Variants in LRRC8C observed in about 807,000 individuals in gnomAD.
The protein encoded by LRRC8C is volume-regulated anion channel subunit LRRC8C.
In LRRC8C, 20 loss-of-function variants were observed where a neutral mutation model predicts 55.3. That is an observed-to-expected ratio of 0.36 (90% CI 0.25 to 0.53). The LOEUF (loss-of-function observed/expected upper bound fraction) is 0.53, where lower values mean the gene tolerates loss of function less well. LRRC8C is among the 20% of genes least tolerant of loss of function. The pLI, the probability that LRRC8C is intolerant of heterozygous loss-of-function variation, is 0.92. For missense variants in LRRC8C, 659 were observed against 951.4 expected (o/e 0.69, Z 4.04); for synonymous variants, 376 against 360.7 (o/e 1.04, Z -0.48).
intron 1 of LRRC8C, among the ~76,000 whole-genome samples, chr1:89,680,078 T>TTC (rs200866080): frequency 1.5e-5 from 1 of 68,358 alleles, no homozygotes; most frequent in Non-Finnish European, 3.6e-5. Context: ...ACCAATATTC[T>TTC]TTTTTTTTTT....
At chr1:89,679,415 G>A (rs756528200) in intron 1 of LRRC8C, among the ~76,000 whole-genome samples, 11 of 152,146 alleles carry the variant, frequency 7.2e-5, no homozygotes, top group South Asian at 2.1e-4. Context: ...TTAGCCGGGC[G>A]TGGTGGTACA....
rs777048799 is a variant in LRRC8C at position 89,666,412 on chromosome 1, A to AAT, written c.-4-20046_-4-20045dup. Among the ~76,000 whole-genome samples the AAT allele has an allele frequency of 7.9e-5, 12 of 152,058 alleles. No individual in the cohort carries two copies. In the East Asian group the frequency reaches 9.6e-4, roughly 12 times the overall value. On this transcript the variant is annotated intron_variant, in intron 1 of 2. Transcript: ENST00000370454. ...ACATGTACACTAGAACTTTAACAAAAATATATATATATAAAGAAGCCCATG... is the reference window on the plus strand; with the variant it reads ...ACATGTACACTAGAACTTTAACAAAAATATATATATATATAAAGAAGCCCATG...
At chr1:89,621,887 T>C in the LRRC8C span, among the ~76,000 whole-genome samples, 5 of 152,238 alleles carry the variant, frequency 3.3e-5, no homozygotes, top group African/African-American at 1.2e-4. Flanking sequence ...ATAACTAGAA[T>C]GTCTCCCTAC....
rs185991624 is a variant in LRRC8C, at chr1:89,663,923, C to T, written c.-4-22547C>T. Among the ~76,000 whole-genome samples the T allele has an allele frequency of 3.2e-3, 480 of 152,208 alleles. 4 individuals carry two copies. Among genetic ancestry groups the T allele is most frequent in the African/African-American group, 0.011 (450 of 41,526 alleles). ...TGTTTGTTGGCTGCATAAATGTCTT[C>T]GTTTAAGAAGTGTCTGTTCATATCC... On this transcript the variant is annotated intron_variant, in intron 1 of 2. Coordinates refer to ENST00000370454, the MANE Select transcript of LRRC8C (RefSeq NM_032270.5).
At chr1:89,700,928 C>T (rs1658300083) in intron 2 of LRRC8C, among the ~76,000 whole-genome samples, 1 of 152,162 alleles carries the variant, frequency 6.6e-6, no homozygotes, top group Admixed American at 6.5e-5. Context: ...AATGGTACCA[C>T]CTATTTTATC....
chr1:89,632,162 CCAAA>C (rs1193610008), upstream of LRRC8C: 1 of 152,198 alleles, frequency 6.6e-6, no homozygotes, highest in African/African-American at 2.4e-5. Flanking sequence ...CAGAGATTTT[CCAAA>C]CAGAGAGCTG....
At chr1:89,694,832 C>G (rs1332631549) in intron 2 of LRRC8C, among the ~76,000 whole-genome samples, 1 of 151,730 alleles carries the variant, frequency 6.6e-6, no homozygotes. Flanking sequence ...AAGTGATCCA[C>G]CCGCCTCAGC....
At chr1:89,617,031 A>C in the LRRC8C span, among the ~76,000 whole-genome samples, 3 of 152,174 alleles carry the variant, frequency 2.0e-5, no homozygotes, top group South Asian at 2.1e-4. Context: ...TTTTACTGCC[A>C]AAATTGGAAA....
intron 1 of LRRC8C, among the ~76,000 whole-genome samples, chr1:89,663,939 G>A (rs1382949815): frequency 1.3e-5 from 2 of 152,140 alleles, no homozygotes; most frequent in African/African-American, 2.4e-5. Flanking sequence ...AGAAGTGTCT[G>A]TTCATATCCT....
At chr1:89,706,975 G>A (rs1658497771) in intron 2 of LRRC8C, among the ~76,000 whole-genome samples, 1 of 152,168 alleles carries the variant, frequency 6.6e-6, no homozygotes, top group South Asian at 2.1e-4. Flanking sequence ...GCAACCCTTG[G>A]GTTTCTTTTC....
At chr1:89,616,597 C>G in the LRRC8C span, among the ~76,000 whole-genome samples, 10 of 152,304 alleles carry the variant, frequency 6.6e-5, no homozygotes, top group East Asian at 1.9e-3. Context: ...TGACTCTAGT[C>G]TAACTTGAGT....
chr1:89,634,075 C>T (rs1656213819), intron 1 of LRRC8C, among the ~76,000 whole-genome samples: 1 of 152,144 alleles, frequency 6.6e-6, no homozygotes, highest in Non-Finnish European at 1.5e-5. Flanking sequence ...CCGGTTCTTC[C>T]CTCCCCAACC....
At position 89,700,435 on chromosome 1, in the gene LRRC8C, C is replaced by T. The variant is rs568533976; in HGVS notation, c.139-12274C>T. 1.2e-4 allele frequency among the ~76,000 whole-genome samples: 19 copies of T among 152,304 alleles called. No homozygotes were observed. In the South Asian group the frequency reaches 3.5e-3, roughly 28 times the overall value. On this transcript the variant is annotated intron_variant, in intron 2 of 2. Coordinates refer to ENST00000370454, the MANE Select transcript of LRRC8C (RefSeq NM_032270.5). ...CTATGCCTCTTTGGTTTTCCTATGA[C>T]GCTTAGCATGTATTACGTTGGCACA...
intron 2 of LRRC8C, among the ~76,000 whole-genome samples, chr1:89,712,034 A>T (rs1391144553): frequency 1.3e-5 from 2 of 152,240 alleles, no homozygotes; most frequent in African/African-American, 4.8e-5. Context: ...CTTTGAGGAC[A>T]TCTAACTCAA....
rs1170309336 is a variant in LRRC8C at position 89,715,150 on chromosome 1, A to G, written c.*168A>G. The G allele has an allele frequency of 1.5e-5, 6 of 409,008 alleles. No homozygotes were observed. Among genetic ancestry groups the G allele is most frequent in the African/African-American group, 8.2e-5 (4 of 48,520 alleles). The allele number at this position is 409,008 out of a possible 1,614,324, so 25.3% of individuals were successfully genotyped here. ...ATAAAAATTTAATTGTATTTTTTCAATATTAATATTTTGAAGTTTTATTTG... is the reference window on the plus strand; with the variant it reads ...ATAAAAATTTAATTGTATTTTTTCAGTATTAATATTTTGAAGTTTTATTTG... On this transcript the variant is annotated 3_prime_UTR_variant, in exon 3 of 3. Transcript: ENST00000370454.
chr1:89,712,413 G>GA (rs1658675831), intron 2 of LRRC8C, among the ~76,000 whole-genome samples: 3 of 152,126 alleles, frequency 2.0e-5, no homozygotes, highest in African/African-American at 7.2e-5. Flanking sequence ...GCGCCTGGCT[G>GA]CTAATTTTTT....
intron 1 of LRRC8C, among the ~76,000 whole-genome samples, chr1:89,654,810 A>T (rs1243124483): frequency 1.3e-5 from 2 of 150,284 alleles, no homozygotes; most frequent in Non-Finnish European, 2.9e-5. Context: ...TCTTCTCATT[A>T]TCCCCAATGT....
chr1:89,694,168 C>T (rs1422612411), intron 2 of LRRC8C, among the ~76,000 whole-genome samples: 1 of 151,914 alleles, frequency 6.6e-6, no homozygotes, highest in Non-Finnish European at 1.5e-5. Context: ...TTGGGACCTT[C>T]TTTTTATGGT....
chr1:89,616,305 A>AG, the LRRC8C span, among the ~76,000 whole-genome samples: 5 of 152,212 alleles, frequency 3.3e-5, no homozygotes, highest in African/African-American at 4.8e-5. Context: ...GGGACTATCA[A>AG]GGATTCTTGC....
Sources: gnomAD v4.1 joint callset for allele counts (sites outside exome capture counted in the v4.1 genomes callset) on GRCh38, gnomAD v4.1.1 for gene constraint, MANE v1.5 for transcripts, NCBI Gene and HGNC (gene_info 2026-07-23, HGNC 2026-07-21) for gene names.